KLHL20: variants seen among roughly 807,000 people sequenced by gnomAD.
KLHL20 encodes the protein kelch-like protein 20.
KLHL20 carries 29 observed loss-of-function variants against 69.5 expected under a neutral mutation model. The observed-to-expected ratio is 0.42, with a 90% CI of 0.31 to 0.57. KLHL20 has a LOEUF of 0.57. Ranked by LOEUF, KLHL20 falls within the 20% of genes least tolerant of loss-of-function variation. The probability of loss-of-function intolerance (pLI) is 0.18; values close to 1 mark genes in which losing one functional copy is unlikely to be tolerated. For synonymous variants in KLHL20, 253 were observed against 265.2 expected, an observed-to-expected ratio of 0.95 and a Z score of 0.45; for missense variants, 419 against 776.0, an observed-to-expected ratio of 0.54 and a Z score of 5.47.
At chr1:173,733,222 A>G (rs1672368448) in intron 2 of KLHL20, among the ~76,000 whole-genome samples, 1 of 151,960 alleles carries the variant, frequency 6.6e-6, no homozygotes, top group Non-Finnish European at 1.5e-5. Context: ...GGGTTTTGCC[A>G]CATTCACCAG....
chr1:173,736,996 C>T lies in KLHL20; in HGVS notation c.597+2710C>T, dbSNP rs965963803. Among the ~76,000 whole-genome samples, 11 of 152,240 alleles carry T rather than the reference C, an allele frequency of 7.2e-5. No individual in the cohort carries two copies. In the East Asian group the frequency reaches 2.1e-3, roughly 29 times the overall value. On this transcript the variant is annotated intron_variant, in intron 3 of 11. Transcript: ENST00000209884. ...TCATTAGTGATGTTGAGCATTTTTTCATATGTTTGTTGGCCATTTGTATAT... is the reference window on the plus strand; with the variant it reads ...TCATTAGTGATGTTGAGCATTTTTTTATATGTTTGTTGGCCATTTGTATAT...
intron 3 of KLHL20, among the ~76,000 whole-genome samples, chr1:173,739,560 A>G (rs915037328): frequency 2.6e-5 from 4 of 151,570 alleles, no homozygotes; most frequent in Non-Finnish European, 4.4e-5. Flanking sequence ...CATCTCCTCC[A>G]GGTTTTCTAG....
chr1:173,760,848 G>C (rs1647243171), intron 7 of KLHL20, among the ~76,000 whole-genome samples: 1 of 152,026 alleles, frequency 6.6e-6, no homozygotes, highest in Non-Finnish European at 1.5e-5. Context: ...AAGTACATAG[G>C]CAAGAAAGAG....
intron 8 of KLHL20, among the ~76,000 whole-genome samples, 155 bp from the exon 9 acceptor site, chr1:173,774,150 G>A (rs1011026442): frequency 2.6e-5 from 4 of 152,104 alleles, no homozygotes; most frequent in Non-Finnish European, 5.9e-5. Flanking sequence ...ATTCTAAGAC[G>A]TTTTTCTAAT....
Position 173,755,982 on chromosome 1 carries a change from A to G in KLHL20, c.911A>G (p.Gln304Arg). ...LLLPQERPLM[Q>R]GPRTRPRKPI... is the part of the protein sequence containing the mutation. ...TTGCCGCAAGAACGACCACTAATGC[A>G]AGGACCAAGGACGAGACCACGGAAA... is the stretch of plus-strand genomic sequence containing the variant. The change falls in exon 6 of 12, where the codon CAA (glutamine) becomes CGA (arginine). Residue 304 changes from glutamine (Q) to arginine (R), a missense_variant. Around this residue, in one of 6 missense-constraint regions of KLHL20, gnomAD observed 99 missense variants for 240.7 expected, o/e 0.41. Coordinates refer to ENST00000209884, the MANE Select transcript of KLHL20 (RefSeq NM_014458.4). 2 of 1,614,114 alleles carry G rather than the reference A, an allele frequency of 1.2e-6. No homozygotes were observed. Among genetic ancestry groups the G allele is most frequent in the Non-Finnish European group, 1.7e-6 (2 of 1,180,004 alleles).
chr1:173,785,160 C>A lies in KLHL20; in HGVS notation c.1746-3C>A. Reference sequence around the variant, plus strand: ...AAATATGATTATGTTTCTTTCTTTGCAGGTTATATGGCGGGATGAATTACC... The same window carrying A: ...AAATATGATTATGTTTCTTTCTTTGAAGGTTATATGGCGGGATGAATTACC... On this transcript the variant is annotated splice_region_variant and splice_polypyrimidine_tract_variant and intron_variant, in intron 11 of 11. Transcript: ENST00000209884. 1 of 1,608,082 alleles carries A rather than the reference C, an allele frequency of 6.2e-7. No homozygotes were observed. Among genetic ancestry groups the A allele is most frequent in the East Asian group, 2.2e-5 (1 of 44,610 alleles).
At chr1:173,766,359 T>A in intron 8 of KLHL20, 70 bp downstream of exon 8, 1 of 1,416,232 alleles carries the variant, frequency 7.1e-7, no homozygotes, top group South Asian at 1.5e-5. Flanking sequence ...AAAGAAAAAC[T>A]ACAGGTTGGG....
In KLHL20 at chr1:173,741,845, T is replaced by C. The variant is rs560311372; in HGVS notation, c.597+7559T>C. 3.8e-5 allele frequency: 61 copies of C among 1,588,406 alleles called. No homozygotes were observed. In the South Asian group the frequency reaches 6.2e-4, roughly 16 times the overall value. ...ATGCACAAACTGTAGTTTTGTGTGT[T>C]GGCTGCTCCACTGTCCTCTGCCAGC... On this transcript the variant is annotated intron_variant, in intron 3 of 11. Transcript: ENST00000209884.
intron 8 of KLHL20, among the ~76,000 whole-genome samples, chr1:173,773,907 G>A (rs546634673): frequency 4.0e-5 from 6 of 151,842 alleles, no homozygotes; most frequent in Admixed American, 3.9e-4. Context: ...CAGCTGCTCA[G>A]GAGGCTGAGG....
chr1:173,757,242 A>G, intron 7 of KLHL20, 83 bp downstream of exon 7: 4 of 1,311,112 alleles, frequency 3.1e-6, no homozygotes, highest in Non-Finnish European at 4.2e-6. Context: ...AATTGATTTA[A>G]TGCTTTAGTA....
chr1:173,724,172 A>ATTT, intron 2 of KLHL20, among the ~76,000 whole-genome samples: 1 of 134,218 alleles, frequency 7.5e-6, no homozygotes. Context: ...TGTTTTGGGG[A>ATTT]TTTTTTTTTT....
At chr1:173,771,814 C>G (rs1648112013) in intron 8 of KLHL20, among the ~76,000 whole-genome samples, 1 of 152,038 alleles carries the variant, frequency 6.6e-6, no homozygotes, top group African/African-American at 2.4e-5. Flanking sequence ...TAGCTATGTA[C>G]TCAATCCATG....
chr1:173,722,022 C>T (rs186215709), intron 2 of KLHL20, among the ~76,000 whole-genome samples: 1 of 152,272 alleles, frequency 6.6e-6, no homozygotes, highest in Non-Finnish European at 1.5e-5. Flanking sequence ...GTACCTGAGA[C>T]TTGGTAATTT....
chr1:173,726,658 G>A (rs993231774), intron 2 of KLHL20, among the ~76,000 whole-genome samples: 21 of 152,194 alleles, frequency 1.4e-4, no homozygotes, highest in African/African-American at 4.8e-4. Context: ...TGGACCTCCA[G>A]CAAACTCCAA....
chr1:173,783,846 G>A (rs148652394), intron 11 of KLHL20, among the ~76,000 whole-genome samples: 130 of 150,650 alleles, frequency 8.6e-4, no homozygotes, highest in Non-Finnish European at 1.6e-3. Context: ...CAGCCTGGGT[G>A]ACAGAGCAAG....
intron 2 of KLHL20, among the ~76,000 whole-genome samples, chr1:173,722,943 G>A (rs746129022): frequency 5.3e-5 from 8 of 152,146 alleles, no homozygotes; most frequent in Middle Eastern, 3.4e-3. Context: ...AGCCACCTCT[G>A]CCTCCCAAAG....
At chr1:173,749,640 A>C (rs923509573) in intron 3 of KLHL20, among the ~76,000 whole-genome samples, 1 of 152,158 alleles carries the variant, frequency 6.6e-6, no homozygotes, top group South Asian at 2.1e-4. Context: ...TTCTCACCCA[A>C]ATTTTCATAT....
At chr1:173,746,123 T>C (rs1673048086) in intron 3 of KLHL20, among the ~76,000 whole-genome samples, 1 of 152,210 alleles carries the variant, frequency 6.6e-6, no homozygotes. Context: ...AATGGAATCC[T>C]ACAAGTGAAA....
intron 3 of KLHL20, among the ~76,000 whole-genome samples, chr1:173,747,698 C>G (rs771368471): frequency 6.6e-6 from 1 of 151,702 alleles, no homozygotes; most frequent in Admixed American, 6.6e-5. Flanking sequence ...TAAATAGTAC[C>G]TGATTCAGTT....
Sources: allele counts gnomAD v4.1 joint callset (sites outside exome capture counted in the v4.1 genomes callset), GRCh38; gene constraint gnomAD v4.1.1; regional missense constraint gnomAD v4.1.1; transcripts MANE v1.5; gene names NCBI Gene and HGNC (gene_info 2026-07-23, HGNC 2026-07-21).